ABCC1: variants seen among roughly 807,000 people sequenced by gnomAD.
ABCC1 encodes the protein multidrug resistance-associated protein 1.
In ABCC1, 83 loss-of-function variants were observed where a neutral mutation model predicts 172.9. The observed-to-expected ratio is 0.48, with a 90% CI of 0.40 to 0.58. ABCC1 has a LOEUF of 0.58. ABCC1 is among the 20% of genes least tolerant of loss of function. The probability of loss-of-function intolerance (pLI) is 0.00; values close to 1 mark genes in which losing one functional copy is unlikely to be tolerated. For synonymous variants in ABCC1, 937 were observed against 825.2 expected (o/e 1.14, Z -2.32); for missense variants, 1,817 against 2,002.7 (o/e 0.91, Z 1.77).
intron 1 of ABCC1, among the ~76,000 whole-genome samples, chr16:15,996,866 C>G (rs537019984): frequency 8.5e-5 from 13 of 152,248 alleles, no homozygotes; most frequent in African/African-American, 3.1e-4. Flanking sequence ...AGATCAATGC[C>G]TAGTGCCTTA....
Position 16,014,529 on chromosome 16 carries a change from G to C in ABCC1, c.390G>C (p.Lys130Asn). 2 of 1,614,144 alleles carry C rather than the reference G, an allele frequency of 1.2e-6. No homozygotes were observed. The highest frequency in any genetic ancestry group is 1.7e-6 in the Non-Finnish European group (2 of 1,180,020). The stretch of plus-strand genomic sequence containing the variant: ...TTTTAATTCAGCTGGAGAGGAGGAA[G>C]GGAGTTCAGTCTTCAGGGATCATGC... ...ATFLIQLERR[K>N]GVQSSGIMLT... Residue 130 changes from lysine to asparagine, a missense_variant, in exon 4 of 31, where the codon AAG becomes AAC. Coordinates refer to ENST00000399410, the MANE Select transcript of ABCC1 (RefSeq NM_004996.4).
At chr16:15,996,629 G>A (rs2047064677) in intron 1 of ABCC1, among the ~76,000 whole-genome samples, 1 of 152,176 alleles carries the variant, frequency 6.6e-6, no homozygotes, top group South Asian at 2.1e-4. Flanking sequence ...AGGGCTGCAT[G>A]CGTTATCCCT....
At chr16:16,045,021 C>G (rs183437058) in intron 8 of ABCC1, among the ~76,000 whole-genome samples, 2 of 152,250 alleles carry the variant, frequency 1.3e-5, no homozygotes. Context: ...CAGAAACCCA[C>G]TAGGCTCCCC....
At chr16:16,119,652 C>T (rs1346200738) in intron 23 of ABCC1, among the ~76,000 whole-genome samples, 3 of 152,260 alleles carry the variant, frequency 2.0e-5, no homozygotes, top group Non-Finnish European at 4.4e-5. Flanking sequence ...GATTGTGCCA[C>T]TGCACTCCAG....
At chr16:16,017,687 G>A (rs1464460903) in intron 5 of ABCC1, among the ~76,000 whole-genome samples, 1 of 152,138 alleles carries the variant, frequency 6.6e-6, no homozygotes, top group Non-Finnish European at 1.5e-5. Flanking sequence ...GGGATTACAG[G>A]TGTGAGTCAC....
intron 1 of ABCC1, among the ~76,000 whole-genome samples, chr16:16,005,691 T>C (rs970567809): frequency 6.6e-6 from 1 of 152,176 alleles, no homozygotes; most frequent in Non-Finnish European, 1.5e-5. Flanking sequence ...GCGTGGTGGC[T>C]CACGCCTGTC....
intron 21 of ABCC1, among the ~76,000 whole-genome samples, chr16:16,108,396 G>A (rs1266992788): frequency 1.4e-5 from 2 of 142,288 alleles, no homozygotes; most frequent in African/African-American, 2.6e-5. Flanking sequence ...TCAGCCTCCC[G>A]AGTAGCTGGG....
chr16:16,052,402 C>T (rs975524735), intron 10 of ABCC1, among the ~76,000 whole-genome samples: 2 of 151,434 alleles, frequency 1.3e-5, no homozygotes, highest in African/African-American at 4.9e-5. Context: ...GTACTGCAGC[C>T]TGGGCAACAT....
intron 22 of ABCC1, 84 bp downstream of exon 22, chr16:16,111,666 T>C: frequency 7.6e-7 from 1 of 1,322,878 alleles, no homozygotes; most frequent in Non-Finnish European, 1.0e-6. Flanking sequence ...CTTAGAGTCC[T>C]CAGCGTTTTG....
At chr16:16,036,931 C>T (rs1318671196) in intron 7 of ABCC1, among the ~76,000 whole-genome samples, 1 of 152,096 alleles carries the variant, frequency 6.6e-6, no homozygotes, top group Non-Finnish European at 1.5e-5. Context: ...TGGTGAAACC[C>T]TGTCTCTACT....
intron 13 of ABCC1, among the ~76,000 whole-genome samples, chr16:16,070,225 A>G (rs2151955489): frequency 6.6e-6 from 1 of 152,014 alleles, no homozygotes; most frequent in East Asian, 1.9e-4. Flanking sequence ...AAAAATAACA[A>G]AATGGGTGTG....
At chr16:16,135,717 T>C (rs2045892619) in intron 28 of ABCC1, among the ~76,000 whole-genome samples, 1 of 151,912 alleles carries the variant, frequency 6.6e-6, no homozygotes, top group Non-Finnish European at 1.5e-5. Flanking sequence ...CGGCCTCCCA[T>C]AGTGCTGGGA....
chr16:15,992,109 AC>A (rs1260167636), intron 1 of ABCC1, among the ~76,000 whole-genome samples: 1 of 151,868 alleles, frequency 6.6e-6, no homozygotes, highest in African/African-American at 2.4e-5. Flanking sequence ...CCTGCTGTGA[AC>A]CGTGTGCGCG....
chr16:16,095,946 A>G (rs1364863398), intron 19 of ABCC1, among the ~76,000 whole-genome samples: 3 of 152,202 alleles, frequency 2.0e-5, no homozygotes, highest in Non-Finnish European at 4.4e-5. Context: ...ACATGTGCTC[A>G]TCGTAGACAT....
intron 26 of ABCC1, among the ~76,000 whole-genome samples, chr16:16,126,999 C>T (rs1412613008): frequency 6.6e-6 from 1 of 152,128 alleles, no homozygotes; most frequent in African/African-American, 2.4e-5. Context: ...GGGACTAGGA[C>T]CCGTGCCTCC....
rs368961550 is a variant in ABCC1, at chr16:16,125,818, G to T, written c.3726G>T (p.Thr1242=). 1.4e-5 allele frequency: 23 copies of T among 1,613,194 alleles called. No individual in the cohort carries two copies. The highest frequency in any genetic ancestry group is 2.2e-5 in the East Asian group (1 of 44,880). ...LSVSYSLQVT[T]YLNWLVRMSS... ...GACTCTTCCACTCACAGGTCACCAC[G>T]TACTTGAACTGGCTGGTTCGGATGT... Residue 1242 remains threonine (T), a synonymous_variant, in exon 26 of 31, where the codon ACG becomes ACT. Coordinates refer to ENST00000399410, the MANE Select transcript of ABCC1 (RefSeq NM_004996.4).
chr16:15,976,348 A>G (rs1360671804), intron 1 of ABCC1, among the ~76,000 whole-genome samples: 1 of 152,180 alleles, frequency 6.6e-6, no homozygotes, highest in Non-Finnish European at 1.5e-5. Flanking sequence ...ACTGTTGTTA[A>G]TGCCTTTGAA....
intron 24 of ABCC1, 31 bp from the exon 25 acceptor site, chr16:16,124,758 C>G (rs886393813): frequency 1.2e-6 from 2 of 1,613,618 alleles, no homozygotes; most frequent in Non-Finnish European, 1.7e-6. Flanking sequence ...TGACTCCATG[C>G]CTGTTTGTCT....
At chr16:16,045,052 T>A (rs981089621) in intron 8 of ABCC1, among the ~76,000 whole-genome samples, 14 of 152,120 alleles carry the variant, frequency 9.2e-5, no homozygotes, top group African/African-American at 3.4e-4. Context: ...ATGGGGAGGA[T>A]ATGGCATTGT....
Sources: allele counts gnomAD v4.1 joint callset (sites outside exome capture counted in the v4.1 genomes callset), GRCh38; gene constraint gnomAD v4.1.1; transcripts MANE v1.5; gene names NCBI Gene and HGNC (gene_info 2026-07-23, HGNC 2026-07-21).